Variants in BRAF observed in about 807,000 individuals in gnomAD.
BRAF encodes the protein B-Raf proto-oncogene, serine/threonine kinase.
In BRAF, 16 loss-of-function variants were observed where a neutral mutation model predicts 104.6. The observed-to-expected ratio is 0.15, with a 90% CI of 0.10 to 0.23. BRAF has a LOEUF of 0.23. BRAF is among the 10% of genes least tolerant of loss of function. The probability of loss-of-function intolerance (pLI) is 1.00; values close to 1 mark genes in which losing one functional copy is unlikely to be tolerated. For synonymous variants in BRAF, 310 were observed against 341.6 expected, an observed-to-expected ratio of 0.91 and a Z score of 1.02; for missense variants, 541 against 937.3, an observed-to-expected ratio of 0.58 and a Z score of 5.52.
Position 140,826,735 on chromosome 7 carries a change from C to T in BRAF, c.504+7874G>A, listed in dbSNP as rs1562980394. Among the ~76,000 whole-genome samples, 4 of 152,196 alleles carry T rather than the reference C, an allele frequency of 2.6e-5. No individual in the cohort carries two copies. The South Asian group carries it at 8.3e-4, about 32-fold the overall frequency. ...GGGGGAAGTTGCAGTCATCCTAACA[C>T]TTTACTCCTAAATACTTATACATGT... is the stretch of plus-strand genomic sequence containing the variant. On this transcript the variant is annotated intron_variant, in intron 3 of 19. Transcript: ENST00000644969.
intron 1 of BRAF, among the ~76,000 whole-genome samples, chr7:140,885,742 A>G (rs888197349): frequency 2.6e-5 from 4 of 152,252 alleles, no homozygotes; most frequent in Non-Finnish European, 5.9e-5. Flanking sequence ...TGATAGTAAT[A>G]TGAACTACTA....
intron 17 of BRAF, among the ~76,000 whole-genome samples, chr7:140,748,019 A>C (rs899249680): frequency 2.0e-5 from 3 of 152,240 alleles, no homozygotes; most frequent in Non-Finnish European, 4.4e-5. Flanking sequence ...ACTAAAATTT[A>C]GTTTTATAAT....
At chr7:140,740,718 C>A (rs1158649063) in intron 17 of BRAF, 1 of 152,234 alleles carries the variant, frequency 6.6e-6, no homozygotes, top group Non-Finnish European at 1.5e-5. Context: ...CATAAAAGAT[C>A]CCTGCTACAG....
intron 14 of BRAF, among the ~76,000 whole-genome samples, chr7:140,771,339 G>A (rs545542338): frequency 6.6e-6 from 1 of 152,200 alleles, no homozygotes; most frequent in South Asian, 2.1e-4. Context: ...GAGAACACAG[G>A]TGCACACCAT....
chr7:140,723,819 CAT>C lies in BRAF; in HGVS notation c.*2673_*2674del. The C allele has an allele frequency of 9.6e-7, 1 of 1,046,524 alleles. No homozygotes were observed. The highest frequency in any genetic ancestry group is 1.2e-6 in the Non-Finnish European group (1 of 867,532). 64.8% of individuals were successfully genotyped at this position (1,046,524 alleles called of 1,614,324 possible). A position where few individuals can be genotyped will look rare whatever the true frequency, so the allele number is the denominator to read the frequency against. On this transcript the variant is annotated 3_prime_UTR_variant, in exon 20 of 20. Transcript: ENST00000644969. ...GCCACATACTGTCTATACAATTACTCATAAAGTGCTTTTCACAAATAAGGACT... is the reference window on the plus strand; with the variant it reads ...GCCACATACTGTCTATACAATTACTCAAAGTGCTTTTCACAAATAAGGACT...
In BRAF at chr7:140,761,252, C is replaced by G. The variant is rs904462833; in HGVS notation, c.1815-7019G>C. On this transcript the variant is annotated intron_variant, in intron 14 of 19. Coordinates refer to ENST00000644969, the MANE Select transcript of BRAF (RefSeq NM_001374258.1). ...CAATATTCAACATTCTTAAAGAAAA[C>G]AATTTTCAACCCAGAATTTCATATC... Among the ~76,000 whole-genome samples, 82 of 152,160 alleles carry G rather than the reference C, an allele frequency of 5.4e-4. 1 individual carries two copies. The highest frequency in any genetic ancestry group is 1.7e-3 in the Admixed American group (26 of 15,280).
chr7:140,832,024 G>A (rs561838479), intron 3 of BRAF, among the ~76,000 whole-genome samples: 7 of 152,170 alleles, frequency 4.6e-5, no homozygotes, highest in South Asian at 4.2e-4. Flanking sequence ...GCTTATTTAC[G>A]TAACCATTCA....
At chr7:140,755,212 T>A (rs888209582) in intron 14 of BRAF, among the ~76,000 whole-genome samples, 1 of 152,220 alleles carries the variant, frequency 6.6e-6, no homozygotes, top group Non-Finnish European at 1.5e-5. Context: ...ATTCAATACA[T>A]GTCTACTGAA....
At position 140,924,450 on chromosome 7, in the gene BRAF, G is replaced by T; in HGVS notation, c.138+116C>A. The T allele has an allele frequency of 6.9e-7, 1 of 1,442,440 alleles. No individual in the cohort carries two copies. The highest frequency in any genetic ancestry group is 9.4e-7 in the Non-Finnish European group (1 of 1,067,076). The allele number at this position is 1,442,440 out of a possible 1,614,324, so 89.4% of individuals were successfully genotyped here. A position where few individuals can be genotyped will look rare whatever the true frequency, so the allele number is the denominator to read the frequency against. Reference sequence around the variant, plus strand: ...TGCCCACCTCCCAGCCCGCGGAGCTGGCCCGAGAAGGTGGCTGAGGGCATC... The same window carrying T: ...TGCCCACCTCCCAGCCCGCGGAGCTTGCCCGAGAAGGTGGCTGAGGGCATC... On this transcript the variant is annotated intron_variant, in intron 1 of 19. Transcript: ENST00000644969. The surrounding 1 kb of genome is among the most constrained non-coding windows in gnomAD (Gnocchi z 4.2).
At chr7:140,891,681 T>C (rs968671867) in intron 1 of BRAF, among the ~76,000 whole-genome samples, 2 of 151,954 alleles carry the variant, frequency 1.3e-5, no homozygotes, top group South Asian at 2.1e-4. Flanking sequence ...AAATCCCAAA[T>C]AGCATCCTCC....
intron 1 of BRAF, among the ~76,000 whole-genome samples, chr7:140,877,807 G>T (rs959331124): frequency 1.3e-5 from 2 of 151,938 alleles, no homozygotes; most frequent in African/African-American, 4.8e-5. Context: ...CAGGATAAAA[G>T]ATATCTGAAG....
intron 1 of BRAF, among the ~76,000 whole-genome samples, chr7:140,859,685 A>ATTTTTTTTTTT (rs60932962): frequency 7.6e-6 from 1 of 131,664 alleles, no homozygotes; most frequent in East Asian, 2.2e-4. Context: ...CTGATTGTAA[A>ATTTTTTTTTTT]TTTTTTTTTT....
At chr7:140,743,276 A>G (rs1405219414) in intron 17 of BRAF, among the ~76,000 whole-genome samples, 8 of 151,528 alleles carry the variant, frequency 5.3e-5, no homozygotes, top group Non-Finnish European at 1.2e-4. Context: ...ATGCACACGT[A>G]TGTTTATAGC....
In BRAF at chr7:140,725,149, C is replaced by T. The variant is rs185077298; in HGVS notation, c.*1345G>A. On this transcript the variant is annotated 3_prime_UTR_variant, in exon 20 of 20. Coordinates refer to ENST00000644969, the MANE Select transcript of BRAF (RefSeq NM_001374258.1). ...AAGGAAGAAGGAGAATGAATGGAGA[C>T]GCCACCATTTTTATTTTAGGTTGCA... 2.9e-4 allele frequency: 303 copies of T among 1,042,438 alleles called. No homozygotes were observed. Among genetic ancestry groups the T allele is most frequent in the Admixed American group, 5.0e-4 (9 of 17,914 alleles). 64.6% of individuals were successfully genotyped at this position (1,042,438 alleles called of 1,614,324 possible).
At chr7:140,880,030 C>T (rs1439954657) in intron 1 of BRAF, among the ~76,000 whole-genome samples, 2 of 152,102 alleles carry the variant, frequency 1.3e-5, no homozygotes, top group Non-Finnish European at 1.5e-5. Flanking sequence ...CCGTGCCCGG[C>T]CGGCAATTTC....
chr7:140,777,179 G>A, intron 13 of BRAF, 91 bp from the exon 13 acceptor site: 1 of 1,357,670 alleles, frequency 7.4e-7, no homozygotes, highest in Non-Finnish European at 1.0e-6. Context: ...TCGGTAAAAT[G>A]TTGTCAGAAA....
At chr7:140,867,019 T>C (rs560812669) in intron 1 of BRAF, among the ~76,000 whole-genome samples, 2 of 152,296 alleles carry the variant, frequency 1.3e-5, no homozygotes, top group East Asian at 3.9e-4. Context: ...CTCCATAATA[T>C]AAGATTGCTC....
At chr7:140,839,348 T>C (rs138127424) in intron 2 of BRAF, among the ~76,000 whole-genome samples, 3 of 152,330 alleles carry the variant, frequency 2.0e-5, no homozygotes, top group East Asian at 1.9e-4. Flanking sequence ...ATATCTATTA[T>C]ATAATTGAGC....
At chr7:140,730,680 A>C (rs1365416227) in intron 19 of BRAF, 1 of 151,504 alleles carries the variant, frequency 6.6e-6, no homozygotes, top group Non-Finnish European at 1.5e-5. Context: ...TTTCAAGTTA[A>C]CTTTATTTAG....
Sources: allele counts gnomAD v4.1 joint callset (sites outside exome capture counted in the v4.1 genomes callset), GRCh38; gene constraint gnomAD v4.1.1; non-coding constraint Gnocchi (gnomAD v3.1); transcripts MANE v1.5; gene names NCBI Gene and HGNC (gene_info 2026-07-23, HGNC 2026-07-21).